Variants in AKR7A3 observed in about 807,000 individuals in gnomAD.
AKR7A3 encodes the protein aldo-keto reductase family 7 member A3.
A neutral mutation model predicts 32.5 loss-of-function variants in AKR7A3; 37 were observed. That is an observed-to-expected ratio of 1.14 (90% CI 0.88 to 1.50). The LOEUF is 1.50. Among genes scored for constraint, AKR7A3 ranks in the 40% most tolerant of loss-of-function variants. The pLI is 0.00. For missense variants in AKR7A3, 412 were observed against 453.2 expected, an observed-to-expected ratio of 0.91 and a Z score of 0.83; for synonymous variants, 177 against 188.4, an observed-to-expected ratio of 0.94 and a Z score of 0.50.
Position 19,288,539 on chromosome 1 carries a change from G to T in AKR7A3, c.171C>A (p.Ile57=), listed in dbSNP as rs2093735231. ...FVYSEGQSET[I]LGGLGLRLGG... ...CCAGCCGGAGCCCCAGGCCGCCAAG[G>T]ATGGTCTCGGACTGGCCCTCGCTGT... Residue 57 remains isoleucine (I), a synonymous_variant, in exon 1 of 7, where the codon ATC becomes ATA. Transcript: ENST00000361640. 18 of 1,611,208 alleles carry T rather than the reference G, an allele frequency of 1.1e-5. No homozygotes were observed. The East Asian group carries it at 3.8e-4, about 34-fold the overall frequency.
At position 19,288,286 on chromosome 1, in the gene AKR7A3, A is replaced by G. The variant is rs181701434; in HGVS notation, c.214+210T>C. On this transcript the variant is annotated intron_variant, in intron 1 of 6. Transcript: ENST00000361640. The stretch of plus-strand genomic sequence containing the variant: ...ACCTCCCGGAAGAGAAGAGAGACGA[A>G]CAGAAGAGAAGACGAGAGAAAAGTT... 1.1e-3 allele frequency among the ~76,000 whole-genome samples: 168 copies of G among 151,392 alleles called. 1 individual carries two copies. Among genetic ancestry groups the G allele is most frequent in the African/African-American group, 4.0e-3 (164 of 41,356 alleles).
intron 6 of AKR7A3, 32 bp downstream of exon 6, chr1:19,283,964 G>C: frequency 6.2e-7 from 1 of 1,612,248 alleles, no homozygotes. Context: ...CCCTGGAAGG[G>C]AAGAAGCTGA....
rs758506917 is a variant in AKR7A3, at chr1:19,284,674, C to T, written c.704+12G>A. ...CCACCCCAGCCATCCACACCAAGCA[C>T]CCACAGCTTACCGATTCCTGTACAT... On this transcript the variant is annotated intron_variant, in intron 5 of 6. Transcript: ENST00000361640. 1.9e-6 allele frequency: 3 copies of T among 1,613,544 alleles called. No homozygotes were observed. The highest frequency in any genetic ancestry group is 2.5e-6 in the Non-Finnish European group (3 of 1,179,846).
chr1:19,279,373 ATGAT>A (rs1426488389), downstream of AKR7A3, among the ~76,000 whole-genome samples: 30 of 151,906 alleles, frequency 2.0e-4, 1 homozygote, highest in African/African-American at 7.0e-4. Context: ...ATTATGAGTA[ATGAT>A]ATTGTGAAAA....
chr1:19,284,148 C>T (rs2093724505), intron 5 of AKR7A3, 23 bp from the exon 6 acceptor site: 6 of 1,597,830 alleles, frequency 3.8e-6, no homozygotes, highest in Non-Finnish European at 5.1e-6. Flanking sequence ...GACGGTGGCA[C>T]AGGTGTCAGG....
Position 19,286,304 on chromosome 1 carries a change from G to T in AKR7A3, c.283C>A (p.Leu95Met), listed in dbSNP as rs1391172211. The T allele has an allele frequency of 1.2e-6, 2 of 1,613,818 alleles. No homozygotes were observed. Among genetic ancestry groups the T allele is most frequent in the Non-Finnish European group, 1.7e-6 (2 of 1,180,040 alleles). Residue 95 changes from leucine (L) to methionine (M), a missense_variant, in exon 2 of 7, where the codon CTG becomes ATG. Transcript: ENST00000361640. ...SLKPDSLRFQ[L>M]ETSLKRLQCP... ...TGCAGCCGCTTCAGTGACGTCTCCA[G>T]CTGGAACCGGAGACTGTCAGGCTTC...
intron 1 of AKR7A3, among the ~76,000 whole-genome samples, chr1:19,287,619 C>T (rs1219810576): frequency 6.6e-6 from 1 of 151,988 alleles, no homozygotes. Context: ...ACATCCTCCC[C>T]TCCGGCCACA....
intron 5 of AKR7A3, 137 bp from the exon 6 acceptor site, chr1:19,284,262 C>T (rs980098068): frequency 1.1e-4 from 134 of 1,276,124 alleles, no homozygotes; most frequent in Non-Finnish European, 1.3e-4. Flanking sequence ...GGGTCTCCCA[C>T]TTTGCTGGGC....
At chr1:19,278,354 T>A (rs1252126897), downstream of AKR7A3, among the ~76,000 whole-genome samples, 1 of 151,640 alleles carries the variant, frequency 6.6e-6, no homozygotes, top group African/African-American at 2.4e-5. Flanking sequence ...GGTCAGGGGA[T>A]TGAGACCATC....
At chr1:19,277,271 G>C in the AKR7A3 span, among the ~76,000 whole-genome samples, 2 of 151,876 alleles carry the variant, frequency 1.3e-5, no homozygotes, top group Admixed American at 6.5e-5. Flanking sequence ...TAAATAAATA[G>C]AAGAAAAAGG....
the AKR7A3 span, among the ~76,000 whole-genome samples, chr1:19,275,640 A>G: frequency 1.8e-4 from 27 of 151,812 alleles, 2 homozygotes; most frequent in African/African-American, 6.6e-4. Context: ...TATCTCTACA[A>G]AAAGTTTTAA....
the AKR7A3 span, among the ~76,000 whole-genome samples, chr1:19,274,868 G>T: frequency 2.9e-5 from 3 of 104,712 alleles, no homozygotes; most frequent in Non-Finnish European, 5.3e-5. Flanking sequence ...ACTCCGCCCT[G>T]GGTGACAGAG....
the AKR7A3 span, among the ~76,000 whole-genome samples, chr1:19,274,447 C>T: frequency 2.6e-5 from 4 of 151,884 alleles, no homozygotes; most frequent in Non-Finnish European, 4.4e-5. Flanking sequence ...TCGCCCGCCC[C>T]GGAGCTGTCC....
chr1:19,286,011 A>T lies in AKR7A3; in HGVS notation c.403-19T>A. On this transcript the variant is annotated intron_variant, in intron 2 of 6. Transcript: ENST00000361640. ...ACTTGCCCTGCTCAGGTGAGGCTCC[A>T]GTCAGAACATAGTGCAGCCCAGACC... is the stretch of plus-strand genomic sequence containing the variant. The T allele has an allele frequency of 6.2e-7, 1 of 1,613,532 alleles. No individual in the cohort carries two copies. Among genetic ancestry groups the T allele is most frequent in the Non-Finnish European group, 8.5e-7 (1 of 1,179,868 alleles).
chr1:19,277,283 A>T, the AKR7A3 span, among the ~76,000 whole-genome samples: 1 of 151,906 alleles, frequency 6.6e-6, no homozygotes, highest in Non-Finnish European at 1.5e-5. Flanking sequence ...AGAAAAAGGA[A>T]AAATAGAAAA....
rs147831859 is a variant in AKR7A3 at position 19,282,768 on chromosome 1, T to C, written c.959A>G (p.His320Arg). The C allele has an allele frequency of 9.3e-4, 1,500 of 1,613,686 alleles. 48 individuals carry two copies. In the African/African-American group the frequency reaches 0.016, roughly 18 times the overall value. ...AVVDAFNQAWHLVTHECPNYF... is the reference protein window; with the variant it reads ...AVVDAFNQAWRLVTHECPNYF... ...GTTGGGACATTCGTGAGTAACCAAA[T>C]GCCAGGCTTGATTAAAGGCGTCCAC... is the stretch of plus-strand genomic sequence containing the variant. The change falls in exon 7 of 7, where the codon CAT becomes CGT. Residue 320 changes from histidine to arginine, a missense_variant. Physicochemically the swap from His to Arg is conservative, Grantham distance 29. Transcript: ENST00000361640.
intron 1 of AKR7A3, among the ~76,000 whole-genome samples, chr1:19,288,242 G>C (rs987448340): frequency 1.3e-5 from 2 of 152,168 alleles, no homozygotes; most frequent in Non-Finnish European, 2.9e-5. Flanking sequence ...TCATCCAGGC[G>C]TCAGTGAGGG....
At chr1:19,275,084 G>A in the AKR7A3 span, among the ~76,000 whole-genome samples, 1 of 151,670 alleles carries the variant, frequency 6.6e-6, no homozygotes, top group Non-Finnish European at 1.5e-5. Flanking sequence ...ATATTAGAAA[G>A]CTATTGAAAT....
chr1:19,274,339 A>C, the AKR7A3 span: 1 of 588,300 alleles, frequency 1.7e-6, no homozygotes, highest in Non-Finnish European at 2.6e-6. Context: ...GGAGATTTTA[A>C]CACTCCTCAA....
Sources: allele counts gnomAD v4.1 joint callset (sites outside exome capture counted in the v4.1 genomes callset), GRCh38; gene constraint gnomAD v4.1.1; transcripts MANE v1.5; gene names NCBI Gene and HGNC (gene_info 2026-07-23, HGNC 2026-07-21).